L3MBTL4: variants seen among roughly 807,000 people sequenced by gnomAD.
The protein encoded by L3MBTL4 is lethal(3)malignant brain tumor-like protein 4.
L3MBTL4 carries 70 observed loss-of-function variants against 84.5 expected under a neutral mutation model. The observed-to-expected ratio is 0.83, with a 90% CI of 0.68 to 1.01. The LOEUF (loss-of-function observed/expected upper bound fraction) is 1.01. L3MBTL4 is among the 50% of genes least tolerant of loss of function. L3MBTL4 has a pLI of 0.00. For synonymous variants in L3MBTL4, 274 were observed against 259.8 expected (o/e 1.05, Z -0.52); for missense variants, 715 against 754.8 (o/e 0.95, Z 0.62).
chr18:6,264,062 T>G (rs746489458), intron 4 of L3MBTL4, 24 bp from the exon 5 acceptor site: 2 of 1,519,686 alleles, frequency 1.3e-6, no homozygotes, highest in South Asian at 2.3e-5. Flanking sequence ...CACAATGACT[T>G]TTCTCAAAAT....
intron 16 of L3MBTL4, chr18:6,030,442 T>C: frequency 1.0e-6 from 1 of 983,906 alleles, no homozygotes; most frequent in Non-Finnish European, 1.2e-6. Flanking sequence ...TCATCAGGTA[T>C]TAATTTGCAT....
At chr18:5,959,192 G>A (rs1406346155) in intron 18 of L3MBTL4, among the ~76,000 whole-genome samples, 1 of 152,164 alleles carries the variant, frequency 6.6e-6, no homozygotes, top group Non-Finnish European at 1.5e-5. Flanking sequence ...CTATGAGGAT[G>A]GTTTTCTTGG....
intron 16 of L3MBTL4, chr18:6,080,109 G>C (rs1028528959): frequency 1.3e-5 from 2 of 152,410 alleles, no homozygotes; most frequent in Admixed American, 6.5e-5. Context: ...AATGGGTAAC[G>C]AGATGGCACA....
chr18:5,961,333 C>T (rs2095262368), intron 17 of L3MBTL4, among the ~76,000 whole-genome samples: 1 of 152,190 alleles, frequency 6.6e-6, no homozygotes, highest in African/African-American at 2.4e-5. Context: ...TTTGCTGATC[C>T]CAGGTGACAG....
chr18:6,350,196 G>A (rs2053115075), intron 1 of L3MBTL4, among the ~76,000 whole-genome samples: 1 of 152,084 alleles, frequency 6.6e-6, no homozygotes, highest in South Asian at 2.1e-4. Context: ...CATTGGATTT[G>A]GCAACAACAA....
chr18:6,403,457 T>C (rs1256502954), intron 1 of L3MBTL4, among the ~76,000 whole-genome samples: 2 of 152,248 alleles, frequency 1.3e-5, no homozygotes, highest in Non-Finnish European at 2.9e-5. Flanking sequence ...TAACCTATTA[T>C]ATTGGATACA....
At chr18:6,349,483 C>T (rs2053076277) in intron 1 of L3MBTL4, among the ~76,000 whole-genome samples, 1 of 152,170 alleles carries the variant, frequency 6.6e-6, no homozygotes, top group Non-Finnish European at 1.5e-5. Flanking sequence ...AATCAAAGCA[C>T]TTCGGGAGGC....
At chr18:6,396,341 T>G (rs2055267186) in intron 1 of L3MBTL4, 1 of 152,386 alleles carries the variant, frequency 6.6e-6, no homozygotes, top group South Asian at 2.1e-4. Flanking sequence ...TGCAGGACCT[T>G]GGGATCCCAG....
At chr18:6,362,074 A>G (rs1453002146) in intron 1 of L3MBTL4, among the ~76,000 whole-genome samples, 7 of 148,530 alleles carry the variant, frequency 4.7e-5, no homozygotes, top group African/African-American at 1.2e-4. Flanking sequence ...ACACCACTGT[A>G]CTCCAGCCTC....
intron 3 of L3MBTL4, among the ~76,000 whole-genome samples, chr18:6,309,875 T>A (rs1397184695): frequency 6.6e-6 from 1 of 152,120 alleles, no homozygotes; most frequent in Non-Finnish European, 1.5e-5. Flanking sequence ...AACAAAAAAA[T>A]TTAAGAAAAA....
At chr18:6,368,434 A>G (rs1170646961) in intron 1 of L3MBTL4, among the ~76,000 whole-genome samples, 1 of 152,196 alleles carries the variant, frequency 6.6e-6, no homozygotes, top group Admixed American at 6.5e-5. Flanking sequence ...ACCCTGGGTG[A>G]TAAACAGTAG....
At chr18:6,295,050 G>T (rs1210624084) in intron 4 of L3MBTL4, among the ~76,000 whole-genome samples, 1 of 152,076 alleles carries the variant, frequency 6.6e-6, no homozygotes, top group Non-Finnish European at 1.5e-5. Context: ...ATTGTGGACA[G>T]TTCACGAGGT....
chr18:5,969,565 G>A lies in L3MBTL4; in HGVS notation c.1445-3C>T. 1 of 1,589,142 alleles carries A rather than the reference G, an allele frequency of 6.3e-7. No homozygotes were observed. Among genetic ancestry groups the A allele is most frequent in the Non-Finnish European group, 8.6e-7 (1 of 1,164,854 alleles). On this transcript the variant is annotated splice_region_variant and splice_polypyrimidine_tract_variant and intron_variant, in intron 16 of 18. Transcript: ENST00000317931. Reference sequence around the variant, plus strand: ...CTGCGCCTGCTCCACCGAGTATTCTGTAAGAGAGGTGGGGTGGGGTGAGGC... The same window carrying A: ...CTGCGCCTGCTCCACCGAGTATTCTATAAGAGAGGTGGGGTGGGGTGAGGC...
intron 16 of L3MBTL4, among the ~76,000 whole-genome samples, chr18:5,994,255 CTAGCACAA>C (rs2053842929): frequency 6.6e-6 from 1 of 152,244 alleles, no homozygotes; most frequent in Admixed American, 6.5e-5. Flanking sequence ...TTGTCTTTCT[CTAGCACAA>C]TTGTGAGCTG....
chr18:6,178,692 ATG>A (rs1470977886), intron 12 of L3MBTL4, among the ~76,000 whole-genome samples: 58 of 152,318 alleles, frequency 3.8e-4, no homozygotes, highest in African/African-American at 1.4e-3. Context: ...ATGTGTCCTA[ATG>A]GTATTAACGT....
At chr18:6,059,007 T>A (rs1312563368) in intron 16 of L3MBTL4, among the ~76,000 whole-genome samples, 1 of 152,176 alleles carries the variant, frequency 6.6e-6, no homozygotes, top group East Asian at 1.9e-4. Context: ...CTGTCCACTC[T>A]CCCACAGCTC....
intron 5 of L3MBTL4, among the ~76,000 whole-genome samples, chr18:6,257,589 A>T (rs2048196513): frequency 6.6e-6 from 1 of 151,434 alleles, no homozygotes; most frequent in Non-Finnish European, 1.5e-5. Flanking sequence ...AGACTTAAGC[A>T]TATTTGCATT....
intron 16 of L3MBTL4, among the ~76,000 whole-genome samples, chr18:6,059,488 T>A (rs917543302): frequency 3.3e-5 from 5 of 152,218 alleles, no homozygotes; most frequent in African/African-American, 1.2e-4. Context: ...CAAAGTCTTG[T>A]ATTCCAGCAA....
intron 1 of L3MBTL4, among the ~76,000 whole-genome samples, chr18:6,327,538 T>C (rs1051243796): frequency 6.6e-6 from 1 of 152,174 alleles, no homozygotes; most frequent in African/African-American, 2.4e-5. Flanking sequence ...ATTTATGTAA[T>C]GTTTGCTTAT....
Sources: allele counts gnomAD v4.1 joint callset (sites outside exome capture counted in the v4.1 genomes callset), GRCh38; gene constraint gnomAD v4.1.1; transcripts MANE v1.5; gene names NCBI Gene and HGNC (gene_info 2026-07-23, HGNC 2026-07-21).